The following MAP2 variants were observed in gnomAD, a reference collection of about 807,000 sequenced individuals.
MAP2 encodes microtubule associated protein 2, also known as microtubule-associated protein 2.
MAP2 carries 14 observed loss-of-function variants against 137.6 expected under a neutral mutation model. That is an observed-to-expected ratio of 0.10 (90% CI 0.07 to 0.16). The LOEUF (loss-of-function observed/expected upper bound fraction) is 0.16. Among genes scored for constraint, MAP2 ranks in the 10% least tolerant of loss-of-function variants. The pLI is 1.00. For synonymous variants in MAP2, 786 were observed against 782.3 expected (o/e 1.00, Z -0.08); for missense variants, 2,088 against 2,191.5 (o/e 0.95, Z 0.94).
intron 4 of MAP2, among the ~76,000 whole-genome samples, chr2:209,632,851 C>T (rs2093220754): frequency 6.6e-6 from 1 of 152,166 alleles, no homozygotes; most frequent in Admixed American, 6.6e-5. Flanking sequence ...CAGCCCAGGG[C>T]GTCTACCAGA....
Position 209,693,420 on chromosome 2 carries a change from A to C in MAP2, c.1250A>C (p.Gln417Pro), listed in dbSNP as rs1264230170. ...GAGGAAGAAAAGGAGGCCATAAATC[A>C]AGAGACTGTGCAGCAAAGGGATACT... ...VLEEEKEAIN[Q>P]ETVQQRDTFT... is the part of the protein sequence containing the mutation. The change falls in exon 8 of 16, where the codon CAA (glutamine) becomes CCA (proline). Residue 417 changes from glutamine (Q) to proline (P), a missense_variant. Gln to Pro is a moderately conservative substitution (Grantham distance 76). Transcript: ENST00000682079. 6.2e-7 allele frequency: 1 copy of C among 1,613,780 alleles called. No homozygotes were observed. The highest frequency in any genetic ancestry group is 8.5e-7 in the Non-Finnish European group (1 of 1,179,948).
chr2:209,705,211 T>C (rs2063037583), intron 11 of MAP2, among the ~76,000 whole-genome samples: 1 of 152,096 alleles, frequency 6.6e-6, no homozygotes, highest in Non-Finnish European at 1.5e-5. Flanking sequence ...GTTAGAAATA[T>C]TATGCATGCA....
intron 2 of MAP2, among the ~76,000 whole-genome samples, chr2:209,564,398 C>G (rs2072907015): frequency 6.6e-6 from 1 of 151,908 alleles, no homozygotes; most frequent in Non-Finnish European, 1.5e-5. Context: ...ATCATTTATG[C>G]TAGTGTTTTT....
chr2:209,451,672 A>G (rs1700349842), intron 1 of MAP2, among the ~76,000 whole-genome samples: 1 of 152,200 alleles, frequency 6.6e-6, no homozygotes, highest in Non-Finnish European at 1.5e-5. Context: ...TGACACATAC[A>G]CATACTAAAC....
intron 11 of MAP2, among the ~76,000 whole-genome samples, chr2:209,703,815 G>A (rs569306178): frequency 2.0e-4 from 30 of 152,062 alleles, no homozygotes; most frequent in South Asian, 6.2e-4. Flanking sequence ...TTATCCGCTG[G>A]TTCTCTACTG....
At chr2:209,722,425 A>G (rs531495024) in intron 13 of MAP2, among the ~76,000 whole-genome samples, 68 of 152,328 alleles carry the variant, frequency 4.5e-4, no homozygotes, top group African/African-American at 1.5e-3. Flanking sequence ...AGATGTGGTA[A>G]TATTCTTGCA....
intron 14 of MAP2, among the ~76,000 whole-genome samples, chr2:209,726,231 T>G (rs1447608677): frequency 6.6e-6 from 1 of 152,168 alleles, no homozygotes; most frequent in Non-Finnish European, 1.5e-5. Flanking sequence ...TCTGGTGAAT[T>G]TCTCAGATTC....
chr2:209,719,887 C>T (rs546842286), intron 13 of MAP2, among the ~76,000 whole-genome samples: 17 of 152,288 alleles, frequency 1.1e-4, no homozygotes, highest in African/African-American at 3.8e-4. Flanking sequence ...AAATAAATCA[C>T]CAATGTTTGC....
chr2:209,573,356 C>CGAT (rs1553601203), intron 2 of MAP2, among the ~76,000 whole-genome samples: 3 of 143,776 alleles, frequency 2.1e-5, no homozygotes, highest in Non-Finnish European at 4.5e-5. Flanking sequence ...TGCAGTGGCA[C>CGAT]GATCTCGGCT....
At chr2:209,490,606 A>C (rs1193383838) in intron 1 of MAP2, among the ~76,000 whole-genome samples, 1 of 45,502 alleles carries the variant, frequency 2.2e-5, no homozygotes, top group East Asian at 3.9e-4. Flanking sequence ...AATGGAAAGC[A>C]AAAAAAAAAA....
At chr2:209,527,932 C>T (rs983738395) in intron 2 of MAP2, among the ~76,000 whole-genome samples, 1 of 152,146 alleles carries the variant, frequency 6.6e-6, no homozygotes, top group African/African-American at 2.4e-5. Context: ...TTCAAAATCC[C>T]TGTAATTTCT....
intron 2 of MAP2, among the ~76,000 whole-genome samples, chr2:209,539,658 CTAAT>C (rs1483825058): frequency 1.5e-4 from 23 of 152,044 alleles, no homozygotes; most frequent in African/African-American, 5.1e-4. Context: ...ATGTTATAAT[CTAAT>C]TATATTTACA....
Position 209,694,353 on chromosome 2 carries a change from C to T in MAP2, c.2183C>T (p.Ala728Val). The change falls in exon 8 of 16, where the codon GCT becomes GTT. Residue 728 changes from alanine (A) to valine (V), a missense_variant. This residue lies in a region of MAP2 where 500 missense variants were observed against 482.9 expected (regional missense o/e 1.04). Coordinates refer to ENST00000682079, the MANE Select transcript of MAP2 (RefSeq NM_001375505.1). Reference protein sequence around the residue: ...FGRGHDLSPLASDILTNTSGS... With the variant: ...FGRGHDLSPLVSDILTNTSGS... ...CGGGGACATGATCTTTCTCCTCTGG[C>T]TTCCGATATTCTAACCAACACTAGT... 1 of 1,614,114 alleles carries T rather than the reference C, an allele frequency of 6.2e-7. No homozygotes were observed. Among genetic ancestry groups the T allele is most frequent in the Non-Finnish European group, 8.5e-7 (1 of 1,180,012 alleles).
At chr2:209,431,415 A>G (rs992800066) in intron 1 of MAP2, among the ~76,000 whole-genome samples, 6 of 152,174 alleles carry the variant, frequency 3.9e-5, no homozygotes, top group Admixed American at 6.6e-5. Context: ...ATTATTTTTT[A>G]CATTTACAAA....
At position 209,710,235 on chromosome 2, in the gene MAP2, A is replaced by C; in HGVS notation, c.5054A>C (p.Tyr1685Ser). ...ATCGGATCAACAGACAACATCAAAT[A>C]CCAGCCTAAAGGGGGGCAGGTAAGA... ...SKIGSTDNIK[Y>S]QPKGGQVQIV... The change falls in exon 13 of 16, where the codon TAC becomes TCC. Residue 1685 changes from tyrosine to serine, a missense_variant. Around this residue, in one of 6 missense-constraint regions of MAP2, gnomAD observed 112 missense variants for 201.0 expected, o/e 0.56. Transcript: ENST00000682079. 4 of 1,580,162 alleles carry C rather than the reference A, an allele frequency of 2.5e-6. No homozygotes were observed. The highest frequency in any genetic ancestry group is 3.4e-6 in the Non-Finnish European group (4 of 1,161,966).
chr2:209,587,915 G>T (rs1395665433), intron 3 of MAP2, among the ~76,000 whole-genome samples: 1 of 152,136 alleles, frequency 6.6e-6, no homozygotes. Context: ...ATTTAAAATT[G>T]CAATGAAGTA....
chr2:209,591,223 T>TG (rs1449022040), intron 3 of MAP2, among the ~76,000 whole-genome samples: 2 of 152,172 alleles, frequency 1.3e-5, no homozygotes, highest in African/African-American at 4.8e-5. Context: ...CCCTAACCTG[T>TG]GGGCCCCTCT....
chr2:209,511,722 C>A (rs2061746626), intron 2 of MAP2, among the ~76,000 whole-genome samples: 1 of 151,878 alleles, frequency 6.6e-6, no homozygotes, highest in South Asian at 2.1e-4. Context: ...CAGGTGTGTG[C>A]CACCATTCCT....
intron 2 of MAP2, among the ~76,000 whole-genome samples, chr2:209,552,926 G>A (rs79974775): frequency 0.19 from 29,414 of 151,822 alleles, 3,791 homozygotes; most frequent in African/African-American, 0.37. Flanking sequence ...TAATTTAGCT[G>A]GGAAAAATAT....
Sources: gnomAD v4.1 joint callset for allele counts (sites outside exome capture counted in the v4.1 genomes callset) on GRCh38, gnomAD v4.1.1 for gene constraint, gnomAD v4.1.1 regional missense constraint, MANE v1.5 for transcripts, NCBI Gene and HGNC (gene_info 2026-07-23, HGNC 2026-07-21) for gene names.